Variants in ERC1 observed in about 807,000 individuals in gnomAD.
ERC1 encodes the protein RAB6 interacting protein 2.
A neutral mutation model predicts 132.0 loss-of-function variants in ERC1; 56 were observed. The observed-to-expected ratio is 0.42, with a 90% CI of 0.34 to 0.53. The LOEUF is 0.53. ERC1 is among the 20% of genes least tolerant of loss of function. The pLI, the probability that ERC1 is intolerant of heterozygous loss-of-function variation, is 0.03. For synonymous variants in ERC1, 478 were observed against 476.1 expected (o/e 1.00, Z -0.05); for missense variants, 1,202 against 1,349.9 (o/e 0.89, Z 1.72).
intron 7 of ERC1, among the ~76,000 whole-genome samples, chr12:1,126,370 T>G (rs1237442134): frequency 6.6e-6 from 1 of 151,332 alleles, no homozygotes; most frequent in African/African-American, 2.4e-5. Context: ...TGTGGAGAGA[T>G]AGTCAGTCAT....
At chr12:1,009,976 A>G (rs968464367) in intron 1 of ERC1, among the ~76,000 whole-genome samples, 2 of 152,102 alleles carry the variant, frequency 1.3e-5, no homozygotes, top group Non-Finnish European at 2.9e-5. Flanking sequence ...TTTTTCAGTT[A>G]TTTCAGGAAC....
chr12:1,481,560 A>G (rs939032812), intron 18 of ERC1, among the ~76,000 whole-genome samples: 4 of 152,208 alleles, frequency 2.6e-5, no homozygotes, highest in East Asian at 1.9e-4. Context: ...AGCTGTGCCC[A>G]CATGTAATAC....
At chr12:1,224,864 G>A (rs1056655232) in intron 12 of ERC1, among the ~76,000 whole-genome samples, 4 of 151,834 alleles carry the variant, frequency 2.6e-5, no homozygotes, top group South Asian at 4.1e-4. Context: ...GGTGGCATAC[G>A]TCTATAGTCC....
intron 8 of ERC1, among the ~76,000 whole-genome samples, chr12:1,178,552 A>G (rs1234622659): frequency 2.0e-5 from 3 of 152,160 alleles, no homozygotes; most frequent in Non-Finnish European, 4.4e-5. Context: ...AGGAGTGTGT[A>G]TTTATACATA....
rs147663375 is a variant in ERC1, at chr12:1,405,511, A to C, written c.2926-2638A>C. ...ATGAGGTCAGGAGTTCGAGACCAGC[A>C]AGGCCAACATAGTGAAACCCATCTC... is the stretch of plus-strand genomic sequence containing the variant. On this transcript the variant is annotated intron_variant, in intron 16 of 18. Transcript: ENST00000360905. 6.5e-3 allele frequency among the ~76,000 whole-genome samples: 983 copies of C among 151,626 alleles called. 9 individuals carry two copies. Among genetic ancestry groups the C allele is most frequent in the African/African-American group, 0.023 (941 of 41,312 alleles).
chr12:1,190,362 C>G (rs1479819142), intron 12 of ERC1, among the ~76,000 whole-genome samples: 1 of 152,116 alleles, frequency 6.6e-6, no homozygotes, highest in Non-Finnish European at 1.5e-5. Flanking sequence ...CAAATGTCTA[C>G]TTTTTAATTT....
rs1565557053 is a variant in ERC1 at position 1,495,398 on chromosome 12, C to T, written c.*5168C>T. 1 of 227,964 alleles carries T rather than the reference C, an allele frequency of 4.4e-6. No individual in the cohort carries two copies. Among genetic ancestry groups the T allele is most frequent in the Non-Finnish European group, 8.7e-6 (1 of 114,852 alleles). 14.1% of individuals were successfully genotyped at this position (227,964 alleles called of 1,614,324 possible). A position where few individuals can be genotyped will look rare whatever the true frequency, so the allele number is the denominator to read the frequency against. ...CTCTTGACCCCAGAGAAGCCACTGT[C>T]AGGAAAGGAAGTGAACCCTACTGAA... On this transcript the variant is annotated 3_prime_UTR_variant, in exon 19 of 19. Coordinates refer to ENST00000360905, the MANE Select transcript of ERC1 (RefSeq NM_178040.4).
At chr12:1,412,988 C>G (rs940819956) in intron 17 of ERC1, among the ~76,000 whole-genome samples, 5 of 152,100 alleles carry the variant, frequency 3.3e-5, no homozygotes, top group Non-Finnish European at 7.4e-5. Context: ...GACTTAAGGT[C>G]CCCAGGCATT....
intron 14 of ERC1, among the ~76,000 whole-genome samples, chr12:1,289,166 C>A (rs1029229187): frequency 4.1e-5 from 6 of 145,374 alleles, no homozygotes; most frequent in Admixed American, 6.9e-5. Context: ...TATTTCCTTC[C>A]TGCCTATATA....
Position 1,248,813 on chromosome 12 carries a change from C to T in ERC1, c.2487+11909C>T, listed in dbSNP as rs1473420801. Among the ~76,000 whole-genome samples, 6 of 152,116 alleles carry T rather than the reference C, an allele frequency of 3.9e-5. No homozygotes were observed. In the South Asian group the frequency reaches 8.3e-4, roughly 21 times the overall value. Reference sequence around the variant, plus strand: ...AGTAATGTTGCACGAGACAAACAAGCTTCTTTCTCTTAAGAAGCTCACATT... The same window carrying T: ...AGTAATGTTGCACGAGACAAACAAGTTTCTTTCTCTTAAGAAGCTCACATT... On this transcript the variant is annotated intron_variant, in intron 13 of 18. Coordinates refer to ENST00000360905, the MANE Select transcript of ERC1 (RefSeq NM_178040.4).
chr12:1,456,467 G>C (rs2093537430), intron 18 of ERC1, among the ~76,000 whole-genome samples: 1 of 151,914 alleles, frequency 6.6e-6, no homozygotes. Flanking sequence ...CTGCAATCTT[G>C]TCAAGTTCCA....
intron 12 of ERC1, among the ~76,000 whole-genome samples, 200 bp from the exon 13 acceptor site, chr12:1,236,569 T>C (rs2075428066): frequency 6.6e-6 from 1 of 152,228 alleles, no homozygotes; most frequent in African/African-American, 2.4e-5. Flanking sequence ...ATACATGTTC[T>C]TTATGGGAAA....
At chr12:1,460,898 C>T (rs2093630045) in intron 18 of ERC1, among the ~76,000 whole-genome samples, 1 of 134,724 alleles carries the variant, frequency 7.4e-6, no homozygotes, top group African/African-American at 2.8e-5. Context: ...GAAAAATGAA[C>T]AATTGTTTTG....
Position 1,490,491 on chromosome 12 carries a change from G to C in ERC1, c.*261G>C. On this transcript the variant is annotated 3_prime_UTR_variant, in exon 19 of 19. Transcript: ENST00000360905. Reference sequence around the variant, plus strand: ...GAATCTCTCTGAAGAACTGCCACCTGGTCATCAGCAGTGGAGAACTGTGGG... The same window carrying C: ...GAATCTCTCTGAAGAACTGCCACCTCGTCATCAGCAGTGGAGAACTGTGGG... The C allele has an allele frequency of 2.4e-6, 1 of 420,170 alleles. No individual in the cohort carries two copies. The highest frequency in any genetic ancestry group is 4.4e-6 in the Non-Finnish European group (1 of 229,384). 26.0% of individuals were successfully genotyped at this position (420,170 alleles called of 1,614,324 possible). A position where few individuals can be genotyped will look rare whatever the true frequency, so the allele number is the denominator to read the frequency against.
chr12:992,480 C>T (rs1160017462), intron 1 of ERC1, among the ~76,000 whole-genome samples: 1 of 152,160 alleles, frequency 6.6e-6, no homozygotes, highest in African/African-American at 2.4e-5. Context: ...TTTTATTTCT[C>T]ATTTGCAGTT....
chr12:1,049,747 C>CT (rs35361881), intron 2 of ERC1, among the ~76,000 whole-genome samples: 26,814 of 112,942 alleles, frequency 0.24, 3,476 homozygotes, highest in Middle Eastern at 0.29. Flanking sequence ...GTTTTGTGAT[C>CT]TTTTTTTTTT....
intron 15 of ERC1, among the ~76,000 whole-genome samples, chr12:1,301,310 C>CA (rs913491639): frequency 6.6e-6 from 1 of 151,866 alleles, no homozygotes; most frequent in African/African-American, 2.4e-5. Context: ...AGTCTTGTAA[C>CA]AAAAAAACAC....
At chr12:1,332,900 A>G (rs770881956) in intron 15 of ERC1, among the ~76,000 whole-genome samples, 3 of 152,178 alleles carry the variant, frequency 2.0e-5, no homozygotes, top group Non-Finnish European at 4.4e-5. Flanking sequence ...TTTTATTTTA[A>G]GTACAGGGGT....
At chr12:1,018,692 C>T (rs997309358) in intron 1 of ERC1, among the ~76,000 whole-genome samples, 1 of 152,180 alleles carries the variant, frequency 6.6e-6, no homozygotes, top group African/African-American at 2.4e-5. Context: ...ATGGTTTTTA[C>T]GTGGATTTAG....
Sources: allele counts gnomAD v4.1 joint callset (sites outside exome capture counted in the v4.1 genomes callset), GRCh38; gene constraint gnomAD v4.1.1; transcripts MANE v1.5; gene names NCBI Gene and HGNC (gene_info 2026-07-23, HGNC 2026-07-21).